Variants in NAV3 observed in about 807,000 individuals in gnomAD.
NAV3 encodes the protein neuron navigator 3.
In NAV3, 87 loss-of-function variants were observed where a neutral mutation model predicts 244.7. The ratio of observed to expected loss-of-function variants is 0.36; its 90% CI spans 0.30 to 0.42. The LOEUF (loss-of-function observed/expected upper bound fraction) is 0.42, where lower values mean the gene tolerates loss of function less well. Ranked by LOEUF, NAV3 falls within the 20% of genes least tolerant of loss-of-function variation. The pLI is 1.00. For synonymous variants in NAV3, 1,126 were observed against 1,042.2 expected (o/e 1.08, Z -1.55); for missense variants, 2,663 against 2,893.3 (o/e 0.92, Z 1.83).
intron 34 of NAV3, among the ~76,000 whole-genome samples, chr12:78,191,080 G>A (rs989486175): frequency 6.6e-6 from 1 of 152,080 alleles, no homozygotes; most frequent in South Asian, 2.1e-4. Flanking sequence ...CTGGTTCAAT[G>A]ATCTAAACTG....
At chr12:77,826,763 G>T (rs1232409765), upstream of NAV3, among the ~76,000 whole-genome samples, 2 of 152,180 alleles carry the variant, frequency 1.3e-5, no homozygotes, top group Non-Finnish European at 2.9e-5. Flanking sequence ...TTCAGACATT[G>T]CCTGTGTTGA....
At chr12:77,999,752 A>G (rs1239488602) in intron 7 of NAV3, among the ~76,000 whole-genome samples, 1 of 152,136 alleles carries the variant, frequency 6.6e-6, no homozygotes, top group African/African-American at 2.4e-5. Flanking sequence ...CTGAAGACTT[A>G]TACTCTTCCT....
At chr12:78,093,942 C>T (rs1954099046) in intron 12 of NAV3, among the ~76,000 whole-genome samples, 2 of 152,208 alleles carry the variant, frequency 1.3e-5, no homozygotes, top group East Asian at 3.9e-4. Context: ...TGGGCTCAAA[C>T]ACTTGGGCTC....
chr12:77,902,937 G>C (rs1283470121), intron 1 of NAV3, among the ~76,000 whole-genome samples: 1 of 152,054 alleles, frequency 6.6e-6, no homozygotes, highest in Non-Finnish European at 1.5e-5. Context: ...AACTTTCAAG[G>C]GATGTGAAGG....
At chr12:77,843,339 A>G (rs1451032549) in intron 1 of NAV3, among the ~76,000 whole-genome samples, 1 of 151,888 alleles carries the variant, frequency 6.6e-6, no homozygotes, top group Non-Finnish European at 1.5e-5. Flanking sequence ...CCTTTCAGTT[A>G]CCACTTCCAG....
At chr12:77,638,626 A>AT (rs1872259759) in intron 2 of NAV3, among the ~76,000 whole-genome samples, 1 of 152,222 alleles carries the variant, frequency 6.6e-6, no homozygotes, top group Non-Finnish European at 1.5e-5. Context: ...TGGAGAATGG[A>AT]GCAACTTAAG....
chr12:78,159,134 A>G, intron 22 of NAV3, 69 bp from the exon 23 acceptor site: 7 of 1,340,744 alleles, frequency 5.2e-6, no homozygotes, highest in Non-Finnish European at 6.3e-6. Context: ...ATTTTGTAAA[A>G]TGAAGGCTTT....
At chr12:78,077,798 C>T (rs1356153644) in intron 12 of NAV3, among the ~76,000 whole-genome samples, 1 of 152,172 alleles carries the variant, frequency 6.6e-6, no homozygotes, top group East Asian at 1.9e-4. Context: ...ATTATCTGGG[C>T]ATGGCAGTGG....
chr12:77,604,783 G>A (rs1219225876), intron 2 of NAV3, among the ~76,000 whole-genome samples: 3 of 152,012 alleles, frequency 2.0e-5, no homozygotes, highest in South Asian at 4.2e-4. Flanking sequence ...GTGCTTTTTC[G>A]TAAAGTTCCA....
At chr12:77,975,297 T>C (rs1056290594) in intron 5 of NAV3, among the ~76,000 whole-genome samples, 1 of 152,246 alleles carries the variant, frequency 6.6e-6, no homozygotes, top group South Asian at 2.1e-4. Context: ...GCACGTAGTA[T>C]GTTCTAGACA....
At chr12:77,871,389 T>A (rs188900109) in intron 1 of NAV3, among the ~76,000 whole-genome samples, 1 of 152,288 alleles carries the variant, frequency 6.6e-6, no homozygotes, top group East Asian at 1.9e-4. Context: ...GCTGCACCCA[T>A]CAATCCATCA....
chr12:77,727,142 G>A (rs1333968737), intron 2 of NAV3, among the ~76,000 whole-genome samples: 3 of 151,960 alleles, frequency 2.0e-5, no homozygotes, highest in Non-Finnish European at 4.4e-5. Flanking sequence ...GCCACTGAAA[G>A]GTTGGTGATG....
intron 1 of NAV3, among the ~76,000 whole-genome samples, chr12:77,900,828 T>C (rs1160673285): frequency 6.6e-6 from 1 of 152,160 alleles, no homozygotes; most frequent in Non-Finnish European, 1.5e-5. Context: ...CAAGAGTGTA[T>C]AAGCATTTAT....
chr12:77,975,329 T>C (rs187149810), intron 5 of NAV3, among the ~76,000 whole-genome samples: 26 of 152,312 alleles, frequency 1.7e-4, no homozygotes, highest in African/African-American at 5.8e-4. Context: ...ACTGGAGATA[T>C]GCAGAAGACA....
chr12:77,611,216 T>A (rs1469259086), intron 2 of NAV3, among the ~76,000 whole-genome samples: 2 of 151,982 alleles, frequency 1.3e-5, no homozygotes, highest in Non-Finnish European at 2.9e-5. Flanking sequence ...CCTAGCAAAA[T>A]CTCCATCCTG....
intron 2 of NAV3, among the ~76,000 whole-genome samples, chr12:77,722,849 C>T (rs1215126826): frequency 6.6e-6 from 1 of 152,014 alleles, no homozygotes; most frequent in Non-Finnish European, 1.5e-5. Context: ...TAGCCAAAAT[C>T]TCACTCATGA....
chr12:77,880,575 C>G (rs1385422140), intron 1 of NAV3, among the ~76,000 whole-genome samples: 1 of 152,018 alleles, frequency 6.6e-6, no homozygotes, highest in Non-Finnish European at 1.5e-5. Context: ...CCAATTATGA[C>G]CAGAGATATT....
intron 1 of NAV3, among the ~76,000 whole-genome samples, chr12:77,879,541 G>T (rs994319634): frequency 6.6e-6 from 1 of 151,732 alleles, no homozygotes; most frequent in African/African-American, 2.4e-5. Context: ...TGGGTGTGGT[G>T]GTGGACACCT....
intron 2 of NAV3, among the ~76,000 whole-genome samples, chr12:77,738,496 T>A (rs1042586674): frequency 1.3e-5 from 2 of 152,204 alleles, no homozygotes; most frequent in Non-Finnish European, 2.9e-5. Flanking sequence ...TTTAATTCAT[T>A]TTTCTAAATA....
Sources: gnomAD v4.1 joint callset for allele counts (sites outside exome capture counted in the v4.1 genomes callset) on GRCh38, gnomAD v4.1.1 for gene constraint, MANE v1.5 for transcripts, NCBI Gene and HGNC (gene_info 2026-07-23, HGNC 2026-07-21) for gene names.